LEMD1: variants seen among roughly 807,000 people sequenced by gnomAD.
LEMD1 encodes the protein LEM domain containing 1.
Under a neutral mutation model 17.4 loss-of-function variants are expected in LEMD1, and 18 were observed. The observed-to-expected ratio is 1.04, with a 90% CI of 0.72 to 1.54. LEMD1 has a LOEUF of 1.54. LEMD1 is among the 40% of genes most tolerant of loss of function. The pLI, the probability that LEMD1 is intolerant of heterozygous loss-of-function variation, is 0.00. For synonymous variants in LEMD1, 88 were observed against 77.8 expected (o/e 1.13, Z -0.69); for missense variants, 195 against 210.4 (o/e 0.93, Z 0.45).
rs902217832 is a variant in LEMD1 at position 205,441,500 on chromosome 1, C to T, written c.-39+8368G>A. 3.3e-5 allele frequency among the ~76,000 whole-genome samples: 5 copies of T among 152,320 alleles called. No individual in the cohort carries two copies. The highest frequency in any genetic ancestry group is 7.2e-5 in the African/African-American group (3 of 41,572). On this transcript the variant is annotated intron_variant, in intron 1 of 3. Coordinates refer to the LEMD1 transcript ENST00000367154. The surrounding 1 kb of genome is among the most constrained non-coding windows in gnomAD (Gnocchi z 4.3). Reference sequence around the variant, plus strand: ...CACTCGCTTCTGCAGGTTGCACACACGACAGGCCCTCCTCCATCCAAATGC... The same window carrying T: ...CACTCGCTTCTGCAGGTTGCACACATGACAGGCCCTCCTCCATCCAAATGC...
chr1:205,421,885 G>A (rs770872761), intron 1 of LEMD1, 105 bp downstream of exon 1: 1 of 152,066 alleles, frequency 6.6e-6, no homozygotes, highest in Non-Finnish European at 1.5e-5. Context: ...ACCTCCAATA[G>A]AGCCCTCAAC....
At chr1:205,412,757 T>C (rs922514072) in intron 4 of LEMD1, among the ~76,000 whole-genome samples, 1 of 152,230 alleles carries the variant, frequency 6.6e-6, no homozygotes, top group African/African-American at 2.4e-5. Context: ...AATCAAAACA[T>C]TTTATGCCAT....
intron 4 of LEMD1, among the ~76,000 whole-genome samples, chr1:205,402,732 A>C (rs1247501431): frequency 6.6e-6 from 1 of 150,502 alleles, no homozygotes; most frequent in Non-Finnish European, 1.5e-5. Flanking sequence ...AACTTCCAAC[A>C]CTATGTTGAA....
At chr1:205,398,260 TA>T (rs1455882540) in intron 4 of LEMD1, among the ~76,000 whole-genome samples, 1 of 152,206 alleles carries the variant, frequency 6.6e-6, no homozygotes, top group Non-Finnish European at 1.5e-5. Flanking sequence ...GTTTTTCAAT[TA>T]ATTAAGAAAC....
chr1:205,384,390 G>A (rs1574935937), intron 4 of LEMD1, 26 bp from the exon 5 acceptor site: 2 of 1,425,200 alleles, frequency 1.4e-6, no homozygotes, highest in East Asian at 2.7e-5. Context: ...AAAATGTCAA[G>A]AGGAATTTGT....
At chr1:205,391,245 C>G (rs978689020) in intron 4 of LEMD1, among the ~76,000 whole-genome samples, 1 of 152,068 alleles carries the variant, frequency 6.6e-6, no homozygotes, top group Admixed American at 6.6e-5. Flanking sequence ...TACAGCCAAT[C>G]CCCCTGGACA....
chr1:205,411,340 G>A (rs533267796), intron 4 of LEMD1, among the ~76,000 whole-genome samples: 1 of 152,034 alleles, frequency 6.6e-6, no homozygotes, highest in South Asian at 2.1e-4. Context: ...GGCCGAGGCG[G>A]GCGGATCACG....
At chr1:205,423,230 CCA>C (rs1666008045), upstream of LEMD1, among the ~76,000 whole-genome samples, 1 of 152,114 alleles carries the variant, frequency 6.6e-6, no homozygotes, top group South Asian at 2.1e-4. Context: ...GGCTATGGCT[CCA>C]CAGTTTCTGA....
intron 3 of LEMD1, among the ~76,000 whole-genome samples, chr1:205,417,268 A>G (rs1574990581): frequency 6.6e-6 from 1 of 152,196 alleles, no homozygotes; most frequent in African/African-American, 2.4e-5. Flanking sequence ...TCAGGTAGGC[A>G]CTATCTAAAG....
At chr1:205,424,918 A>G (rs762690835), upstream of LEMD1, among the ~76,000 whole-genome samples, 1 of 151,986 alleles carries the variant, frequency 6.6e-6, no homozygotes, top group South Asian at 2.1e-4. Context: ...AGGCTACAAG[A>G]CTCCTTGGAG....
chr1:205,391,932 A>C (rs1359280817), intron 4 of LEMD1, among the ~76,000 whole-genome samples: 1 of 142,244 alleles, frequency 7.0e-6, no homozygotes, highest in Non-Finnish European at 1.5e-5. Flanking sequence ...ACGTGGTGAA[A>C]CCTCGTCTCT....
intron 4 of LEMD1, among the ~76,000 whole-genome samples, chr1:205,402,537 G>C (rs1427393077): frequency 6.6e-6 from 1 of 152,182 alleles, no homozygotes; most frequent in African/African-American, 2.4e-5. Context: ...TGTGATTTTT[G>C]TATATTGATT....
At chr1:205,382,567 A>T (rs1663767434) in intron 5 of LEMD1, among the ~76,000 whole-genome samples, 1 of 152,032 alleles carries the variant, frequency 6.6e-6, no homozygotes, top group Admixed American at 6.6e-5. Context: ...CCAGTCTCTA[A>T]TTTCAACAAG....
At position 205,433,124 on chromosome 1, in the gene LEMD1, C is replaced by T. The variant is rs1558740948; in HGVS notation, c.-38-12550G>A. The stretch of plus-strand genomic sequence containing the variant: ...GAAGCCCTGGAGCACTTTGCTTGTA[C>T]TTTAGCTGAGGCATTTTTGAGCCTT... On this transcript the variant is annotated intron_variant, in intron 1 of 3. Transcript: ENST00000367154. Among the ~76,000 whole-genome samples the T allele has an allele frequency of 2.0e-5, 3 of 152,212 alleles. 1 individual carries two copies. The highest frequency in any genetic ancestry group is 7.2e-5 in the African/African-American group (3 of 41,450).
chr1:205,426,384 C>T (rs1426269977), upstream of LEMD1, among the ~76,000 whole-genome samples: 1 of 152,228 alleles, frequency 6.6e-6, no homozygotes, highest in Non-Finnish European at 1.5e-5. Flanking sequence ...ACCAGAAACA[C>T]TCATGAGCAA....
intron 4 of LEMD1, among the ~76,000 whole-genome samples, chr1:205,398,737 C>T (rs574265589): frequency 2.0e-5 from 3 of 151,976 alleles, no homozygotes; most frequent in South Asian, 4.2e-4. Flanking sequence ...GGTAGGGGGA[C>T]CAGCATGGAC....
At chr1:205,394,771 G>T (rs181610814) in intron 4 of LEMD1, among the ~76,000 whole-genome samples, 1 of 151,918 alleles carries the variant, frequency 6.6e-6, no homozygotes, top group Non-Finnish European at 1.5e-5. Flanking sequence ...GGCAGATCAC[G>T]AGGTCAGGAG....
At chr1:205,400,964 G>C (rs1396391535) in intron 4 of LEMD1, among the ~76,000 whole-genome samples, 1 of 149,442 alleles carries the variant, frequency 6.7e-6, no homozygotes, top group Non-Finnish European at 1.5e-5. Flanking sequence ...TTTTGTCCTT[G>C]CGATAGTTTA....
intron 1 of LEMD1, among the ~76,000 whole-genome samples, chr1:205,443,420 C>CT (rs1345127172): frequency 4.6e-5 from 7 of 152,140 alleles, no homozygotes; most frequent in Middle Eastern, 3.4e-3. Flanking sequence ...AAAATCCTGG[C>CT]TTTTTTTGCT....
Sources: gnomAD v4.1 joint callset for allele counts (sites outside exome capture counted in the v4.1 genomes callset) on GRCh38, gnomAD v4.1.1 for gene constraint, Gnocchi (gnomAD v3.1) non-coding constraint, MANE v1.5 for transcripts, NCBI Gene and HGNC (gene_info 2026-07-23, HGNC 2026-07-21) for gene names.